FANCD2: variants seen among roughly 807,000 people sequenced by gnomAD.
FANCD2 encodes the protein FA complementation group D2.
A neutral mutation model predicts 192.3 loss-of-function variants in FANCD2; 131 were observed. The observed-to-expected ratio is 0.68, with a 90% CI of 0.59 to 0.79. FANCD2 has a LOEUF of 0.79. FANCD2 is among the 30% of genes least tolerant of loss of function. FANCD2 has a pLI of 0.00. For missense variants in FANCD2, 1,508 were observed against 1,701.6 expected (o/e 0.89, Z 2.00); for synonymous variants, 524 against 612.5 (o/e 0.86, Z 2.13).
At chr3:10,070,365 C>A (rs375843081) in intron 26 of FANCD2, among the ~76,000 whole-genome samples, 1 of 142,824 alleles carries the variant, frequency 7.0e-6, no homozygotes, top group African/African-American at 2.7e-5. Context: ...CCGCCCCGTC[C>A]GGGAGGGAGG....
intron 18 of FANCD2, among the ~76,000 whole-genome samples, chr3:10,059,662 C>T (rs1333915563): frequency 4.0e-5 from 6 of 151,764 alleles, no homozygotes; most frequent in Admixed American, 1.3e-4. Context: ...ATTATCCGGG[C>T]GTGGTTGGTG....
intron 18 of FANCD2, among the ~76,000 whole-genome samples, chr3:10,059,453 T>C (rs977028502): frequency 2.0e-5 from 3 of 152,212 alleles, no homozygotes; most frequent in Admixed American, 1.3e-4. Flanking sequence ...ATGTCTATCA[T>C]GTGCTAGGCA....
intron 39 of FANCD2, 67 bp from the exon 40 acceptor site, chr3:10,094,222 A>G (rs1694818624): frequency 3.4e-6 from 4 of 1,180,664 alleles, no homozygotes; most frequent in African/African-American, 1.5e-5. Flanking sequence ...GGATGAGACT[A>G]TTCTGCCTCA....
intron 17 of FANCD2, among the ~76,000 whole-genome samples, chr3:10,051,273 T>C (rs1372812602): frequency 4.9e-5 from 7 of 143,374 alleles, no homozygotes; most frequent in African/African-American, 5.3e-5. Context: ...CCCAGCTACT[T>C]GGGAGGCTGA....
At chr3:10,049,651 A>G (rs2087138735) in intron 17 of FANCD2, 146 bp downstream of exon 17, 3 of 817,100 alleles carry the variant, frequency 3.7e-6, no homozygotes, top group South Asian at 1.5e-5. Context: ...ACACTTCTTT[A>G]TACCTAACCT....
intron 33 of FANCD2, among the ~76,000 whole-genome samples, chr3:10,086,560 C>T (rs567292783): frequency 1.3e-5 from 2 of 152,104 alleles, no homozygotes; most frequent in Non-Finnish European, 2.9e-5. Flanking sequence ...CAGCTCACTG[C>T]ACCCTCCACC....
intron 7 of FANCD2, among the ~76,000 whole-genome samples, chr3:10,038,437 G>C (rs1440315776): frequency 6.6e-6 from 1 of 152,112 alleles, no homozygotes; most frequent in Non-Finnish European, 1.5e-5. Flanking sequence ...TTTAGATATA[G>C]GAGGCTCGAA....
At chr3:10,055,653 A>G (rs1043529145) in intron 18 of FANCD2, among the ~76,000 whole-genome samples, 2 of 151,970 alleles carry the variant, frequency 1.3e-5, no homozygotes, top group Non-Finnish European at 1.5e-5. Context: ...TTTACTAAAA[A>G]TACAAAAAAT....
At chr3:10,028,526 C>G (rs2086513176) in intron 1 of FANCD2, 99 bp from the exon 2 acceptor site, 3 of 767,600 alleles carry the variant, frequency 3.9e-6, no homozygotes, top group Non-Finnish European at 6.9e-6. Context: ...GATGTGAGCC[C>G]CTCTGATTTT....
chr3:10,060,077 G>T (rs750558317), intron 18 of FANCD2, among the ~76,000 whole-genome samples: 15 of 150,426 alleles, frequency 1.0e-4, no homozygotes, highest in Non-Finnish European at 1.6e-4. Context: ...TGAGGCAGGA[G>T]AATCGTTTGA....
At chr3:10,081,053 G>A (rs895684613) in intron 30 of FANCD2, 47 bp from the exon 31 acceptor site, 1 of 1,612,374 alleles carries the variant, frequency 6.2e-7, no homozygotes, top group African/African-American at 1.3e-5. Context: ...TAGTTTCTGA[G>A]ACGCTATCCA....
intron 41 of FANCD2, among the ~76,000 whole-genome samples, chr3:10,095,578 G>C (rs774013820): frequency 6.6e-6 from 1 of 152,242 alleles, no homozygotes; most frequent in African/African-American, 2.4e-5. Context: ...TAACAGGACT[G>C]TGATGTAAGT....
intron 18 of FANCD2, among the ~76,000 whole-genome samples, chr3:10,055,600 C>T (rs1471864105): frequency 6.6e-6 from 1 of 152,044 alleles, no homozygotes; most frequent in African/African-American, 2.4e-5. Flanking sequence ...ATCATGAGGT[C>T]AGGAGATCGA....
At chr3:10,089,836 G>C (rs972907730) in intron 36 of FANCD2, among the ~76,000 whole-genome samples, 1 of 152,148 alleles carries the variant, frequency 6.6e-6, no homozygotes, top group Admixed American at 6.5e-5. Flanking sequence ...GTGTGTCTCA[G>C]AATATCAATA....
chr3:10,092,138 T>C (rs1169854210), intron 37 of FANCD2, 43 bp from the exon 38 acceptor site: 1 of 1,284,528 alleles, frequency 7.8e-7, no homozygotes, highest in East Asian at 2.3e-5. Context: ...AAGGGAAGTA[T>C]TTGGCTGTGA....
At chr3:10,039,392 A>C in intron 8 of FANCD2, 35 bp downstream of exon 8, 3 of 1,521,312 alleles carry the variant, frequency 2.0e-6, no homozygotes, top group Non-Finnish European at 2.7e-6. Flanking sequence ...GAATTTAAAG[A>C]GTATGTTTCT....
intron 29 of FANCD2, among the ~76,000 whole-genome samples, chr3:10,076,397 A>G (rs1316491454): frequency 6.6e-6 from 1 of 152,102 alleles, no homozygotes; most frequent in African/African-American, 2.4e-5. Context: ...AGAGGAATTT[A>G]TAGAGAAAAA....
At chr3:10,075,616 T>A (rs2125051273) in intron 29 of FANCD2, among the ~76,000 whole-genome samples, 1 of 152,190 alleles carries the variant, frequency 6.6e-6, no homozygotes, top group East Asian at 1.9e-4. Context: ...ACTTTTGAGA[T>A]GGGATTTCAT....
At chr3:10,046,097 AG>A (rs1272468267) in intron 14 of FANCD2, among the ~76,000 whole-genome samples, 5 of 138,174 alleles carry the variant, frequency 3.6e-5, no homozygotes, top group Non-Finnish European at 7.6e-5. Flanking sequence ...TCTCTCACCC[AG>A]GCTGGAGTGC....
Sources: allele counts gnomAD v4.1 joint callset (sites outside exome capture counted in the v4.1 genomes callset), GRCh38; gene constraint gnomAD v4.1.1; transcripts MANE v1.5; gene names NCBI Gene and HGNC (gene_info 2026-07-23, HGNC 2026-07-21).